Variants in MEI4 observed in about 807,000 individuals in gnomAD.
MEI4 encodes the protein meiosis-specific protein MEI4.
A neutral mutation model predicts 31.4 loss-of-function variants in MEI4; 27 were observed. The ratio of observed to expected loss-of-function variants is 0.86; its 90% confidence interval spans 0.63 to 1.19. MEI4 has a LOEUF of 1.19. Among genes scored for constraint, MEI4 ranks in the 50% most tolerant of loss-of-function variants. MEI4 has a pLI of 0.00. For missense variants in MEI4, 329 were observed against 398.9 expected, an observed-to-expected ratio of 0.82 and a Z score of 1.49; for synonymous variants, 122 against 145.4, an observed-to-expected ratio of 0.84 and a Z score of 1.16.
intron 3 of MEI4, among the ~76,000 whole-genome samples, chr6:77,774,468 G>A (rs181922742): frequency 9.2e-5 from 14 of 152,180 alleles, no homozygotes; most frequent in East Asian, 1.9e-4. Context: ...AATTAAAACA[G>A]TTGAATCCAT....
chr6:77,761,681 CT>C lies in MEI4; in HGVS notation c.768+17del. 1 of 1,217,026 alleles carries C rather than the reference CT, an allele frequency of 8.2e-7. No homozygotes were observed. Among genetic ancestry groups the C allele is most frequent in the Non-Finnish European group, 1.0e-6 (1 of 974,748 alleles). 75.4% of individuals were successfully genotyped at this position (1,217,026 alleles called of 1,614,324 possible). A position where few individuals can be genotyped will look rare whatever the true frequency, so the allele number is the denominator to read the frequency against. On this transcript the variant is annotated intron_variant, in intron 3 of 4. Coordinates refer to ENST00000684080, the MANE Select transcript of MEI4 (RefSeq NM_001322247.2). ...TATAAATCAGGTGAGTAATAAATCC[CT>C]CTTTTATTCCTAAAATGCTAGTAAT...
Position 77,918,297 on chromosome 6 carries a change from C to G in MEI4, c.901-4792C>G, listed in dbSNP as rs1242407722. 4.7e-5 allele frequency among the ~76,000 whole-genome samples: 7 copies of G among 147,908 alleles called. No homozygotes were observed. In the Admixed American group the frequency reaches 4.8e-4, roughly 10 times the overall value. ...AACTTTAAAGTAGTTTTTTCCAATT[C>G]TGTGAAGAAAGTCATTGGTAGCTTG... On this transcript the variant is annotated intron_variant, in intron 4 of 4. Transcript: ENST00000684080.
At chr6:77,674,203 C>T (rs999763586) in intron 1 of MEI4, among the ~76,000 whole-genome samples, 8 of 152,052 alleles carry the variant, frequency 5.3e-5, no homozygotes, top group Non-Finnish European at 1.0e-4. Flanking sequence ...ATTCTTTATT[C>T]AAATTCTATG....
chr6:77,704,493 A>G (rs1332253716), intron 2 of MEI4, among the ~76,000 whole-genome samples: 1 of 152,238 alleles, frequency 6.6e-6, no homozygotes, highest in Non-Finnish European at 1.5e-5. Flanking sequence ...GACTTTTAGT[A>G]CTTTAAGGTG....
At chr6:77,711,011 A>G (rs992891683) in intron 2 of MEI4, among the ~76,000 whole-genome samples, 8 of 152,182 alleles carry the variant, frequency 5.3e-5, no homozygotes, top group African/African-American at 1.9e-4. Flanking sequence ...CCCCCATTCT[A>G]TTTTCTACTT....
intron 4 of MEI4, among the ~76,000 whole-genome samples, chr6:77,916,059 A>G (rs1409448903): frequency 6.6e-6 from 1 of 151,958 alleles, no homozygotes; most frequent in Admixed American, 6.6e-5. Context: ...AAGCTTTCAA[A>G]TATATTTTGT....
At chr6:77,800,929 T>C (rs1769237752) in intron 3 of MEI4, among the ~76,000 whole-genome samples, 1 of 152,212 alleles carries the variant, frequency 6.6e-6, no homozygotes, top group Admixed American at 6.5e-5. Context: ...TTAATGTTCA[T>C]CAGGGATATT....
chr6:77,836,983 T>A (rs1770232257), intron 4 of MEI4, among the ~76,000 whole-genome samples: 1 of 152,164 alleles, frequency 6.6e-6, no homozygotes, highest in African/African-American at 2.4e-5. Context: ...GCCAGTTTTC[T>A]TCATTACTGG....
chr6:77,740,848 C>A (rs1388450911), intron 2 of MEI4, among the ~76,000 whole-genome samples: 1 of 151,532 alleles, frequency 6.6e-6, no homozygotes, highest in African/African-American at 2.4e-5. Context: ...TTCAGACCAC[C>A]AATTATGTAG....
chr6:77,758,911 A>C (rs1193188150), intron 2 of MEI4, among the ~76,000 whole-genome samples: 1 of 152,050 alleles, frequency 6.6e-6, no homozygotes, highest in Non-Finnish European at 1.5e-5. Context: ...TACTTTCTTC[A>C]CTTACTTCCA....
chr6:77,651,346 G>A (rs944860141), upstream of MEI4, among the ~76,000 whole-genome samples: 4 of 152,164 alleles, frequency 2.6e-5, no homozygotes, highest in African/African-American at 7.2e-5. Context: ...GAATATCTTG[G>A]ACTGAAAAGC....
chr6:77,695,997 T>G (rs965072861), intron 2 of MEI4, among the ~76,000 whole-genome samples: 39 of 152,296 alleles, frequency 2.6e-4, no homozygotes, highest in Non-Finnish European at 4.0e-4. Context: ...GTAATTTGGA[T>G]TCCTAGGTAT....
chr6:77,864,303 A>G (rs1770956530), intron 4 of MEI4, among the ~76,000 whole-genome samples: 1 of 152,220 alleles, frequency 6.6e-6, no homozygotes, highest in African/African-American at 2.4e-5. Context: ...ATAAAGAGTC[A>G]AGACCCATCA....
chr6:77,922,430 T>C (rs1179556216), intron 4 of MEI4, among the ~76,000 whole-genome samples: 1 of 151,746 alleles, frequency 6.6e-6, no homozygotes, highest in African/African-American at 2.4e-5. Flanking sequence ...AATTAGCTAA[T>C]GATAAAGCCA....
chr6:77,735,089 C>G (rs9352518), intron 2 of MEI4, among the ~76,000 whole-genome samples: 1 of 151,832 alleles, frequency 6.6e-6, no homozygotes, highest in Non-Finnish European at 1.5e-5. Flanking sequence ...ATTTCTACTT[C>G]GGTGAACTGA....
chr6:77,813,902 C>T (rs1769630288), intron 3 of MEI4, among the ~76,000 whole-genome samples: 1 of 152,004 alleles, frequency 6.6e-6, no homozygotes, highest in African/African-American at 2.4e-5. Context: ...TTTTAATGTA[C>T]ATCAATGATG....
chr6:77,892,134 G>GCATGT (rs1295610257), intron 4 of MEI4, among the ~76,000 whole-genome samples: 1 of 152,166 alleles, frequency 6.6e-6, no homozygotes, highest in East Asian at 1.9e-4. Flanking sequence ...TGGTGGACAG[G>GCATGT]CATGTCCTCA....
At chr6:77,680,166 C>G (rs1362030181) in intron 1 of MEI4, among the ~76,000 whole-genome samples, 2 of 136,594 alleles carry the variant, frequency 1.5e-5, no homozygotes, top group African/African-American at 5.6e-5. Context: ...GTAGTCCCAG[C>G]TACTCAGGAG....
At position 77,828,549 on chromosome 6, in the gene MEI4, G is replaced by A. The variant is rs566614451; in HGVS notation, c.769-382G>A. On this transcript the variant is annotated intron_variant, in intron 3 of 4. Transcript: ENST00000684080. Reference sequence around the variant, plus strand: ...TTGTCTTCCACAAAACTGGTCCCTGGTGCCAAAAAGAATGATAGATGACCT... The same window carrying A: ...TTGTCTTCCACAAAACTGGTCCCTGATGCCAAAAAGAATGATAGATGACCT... Among the ~76,000 whole-genome samples the A allele has an allele frequency of 3.9e-5, 6 of 152,092 alleles. No homozygotes were observed. The South Asian group carries it at 1.2e-3, about 32-fold the overall frequency.
Sources: allele counts gnomAD v4.1 joint callset (sites outside exome capture counted in the v4.1 genomes callset), GRCh38; gene constraint gnomAD v4.1.1; transcripts MANE v1.5; gene names NCBI Gene and HGNC (gene_info 2026-07-23, HGNC 2026-07-21).